Variants in PIR observed in about 807,000 individuals in gnomAD.
PIR encodes pirin.
A neutral mutation model predicts 24.2 loss-of-function variants in PIR; 22 were observed. That is an observed-to-expected ratio of 0.91 (90% CI 0.65 to 1.30). The LOEUF (loss-of-function observed/expected upper bound fraction) is 1.30. Among genes scored for constraint, PIR ranks in the 50% most tolerant of loss-of-function variants. The probability of loss-of-function intolerance (pLI) is 0.00; values close to 1 mark genes in which losing one functional copy is unlikely to be tolerated. For missense variants in PIR, 220 were observed against 220.3 expected, an observed-to-expected ratio of 1.00 and a Z score of 0.01; for synonymous variants, 80 against 79.6, an observed-to-expected ratio of 1.00 and a Z score of -0.03.
intron 2 of PIR, among the ~76,000 whole-genome samples, chrX:15,481,347 C>G (rs1002767163): frequency 2.7e-5 from 3 of 111,785 alleles, no homozygotes; most frequent in African/African-American, 9.7e-5. Context: ...TATTCTTGAC[C>G]ATGTTATTTT....
chrX:15,456,027 G>A lies in PIR; in HGVS notation c.301C>T (p.His101Tyr), dbSNP rs1467570812. ...TCCTCTGAGCAAGGCATCTCAGCGT[G>A]CAGAATGCCCCGGCCCGCAGTCATC... The part of the protein sequence containing the change: ...QWMTAGRGIL[H>Y]AEMPCSEEPA... The change falls in exon 5 of 10, where the codon CAC (histidine) becomes TAC (tyrosine). Residue 101 changes from histidine to tyrosine, a missense_variant. By Grantham distance (83) the His-to-Tyr change is moderately conservative. Coordinates refer to ENST00000380420, the MANE Select transcript of PIR (RefSeq NM_001018109.3). 1 of 1,210,919 alleles carries A rather than the reference G, an allele frequency of 8.3e-7. No homozygotes were observed. The highest frequency in any genetic ancestry group is 1.1e-6 in the Non-Finnish European group (1 of 894,858).
At chrX:15,487,336 G>GT (rs5901565) in intron 2 of PIR, among the ~76,000 whole-genome samples, 56 of 106,601 alleles carry the variant, frequency 5.3e-4, no homozygotes, top group African/African-American at 1.6e-3. Flanking sequence ...TGAGATTGTA[G>GT]TTTTTTTTTT....
intron 3 of PIR, 28 bp from the exon 4 acceptor site, chrX:15,459,768 A>T (rs771255593): frequency 3.5e-6 from 3 of 846,989 alleles, no homozygotes; most frequent in Non-Finnish European, 5.3e-6. Flanking sequence ...GAAAAAAAGT[A>T]GATCCTTTGC....
At chrX:15,465,019 T>A in intron 3 of PIR, among the ~76,000 whole-genome samples, 1 of 111,764 alleles carries the variant, frequency 8.9e-6, no homozygotes, top group Middle Eastern at 4.6e-3. Flanking sequence ...TAAGTGGACA[T>A]CAAGATTTTT....
At chrX:15,404,981 G>T (rs1226638775) in intron 7 of PIR, among the ~76,000 whole-genome samples, 2 of 110,950 alleles carry the variant, frequency 1.8e-5, no homozygotes, top group East Asian at 2.8e-4. Flanking sequence ...GGTCACGAGG[G>T]GGGACCAGGT....
At chrX:15,484,539 T>C (rs760289771) in intron 2 of PIR, among the ~76,000 whole-genome samples, 1 of 109,839 alleles carries the variant, frequency 9.1e-6, no homozygotes, top group East Asian at 2.9e-4. Flanking sequence ...AGTCTCAAAC[T>C]CCTGAGCTCA....
At chrX:15,466,194 A>C (rs1274884858) in intron 3 of PIR, among the ~76,000 whole-genome samples, 1 of 111,206 alleles carries the variant, frequency 9.0e-6, no homozygotes, top group Non-Finnish European at 1.9e-5. Flanking sequence ...TTATTTTACA[A>C]AAATGTTTTC....
At chrX:15,441,231 T>C (rs1925905338) in intron 5 of PIR, among the ~76,000 whole-genome samples, 1 of 112,063 alleles carries the variant, frequency 8.9e-6, no homozygotes, top group African/African-American at 3.2e-5. Context: ...AATGCAATTT[T>C]AATTCTAGTT....
At chrX:15,469,589 A>T (rs1028270498) in intron 3 of PIR, among the ~76,000 whole-genome samples, 2 of 112,061 alleles carry the variant, frequency 1.8e-5, no homozygotes, top group African/African-American at 6.5e-5. Flanking sequence ...TTCGTGGAGG[A>T]GGAATCCTCC....
intron 2 of PIR, among the ~76,000 whole-genome samples, chrX:15,483,068 T>C (rs1922593758): frequency 9.2e-6 from 1 of 109,042 alleles, no homozygotes; most frequent in Non-Finnish European, 1.9e-5. Context: ...TTACTAGAAA[T>C]TAAAGTATGA....
chrX:15,434,971 G>A (rs1433586347), intron 5 of PIR, among the ~76,000 whole-genome samples: 2 of 111,793 alleles, frequency 1.8e-5, no homozygotes, highest in Non-Finnish European at 3.8e-5. Flanking sequence ...AGCATTTGGG[G>A]AGGCTGAAGC....
chrX:15,443,609 T>A (rs780787664), intron 5 of PIR, among the ~76,000 whole-genome samples: 21 of 112,082 alleles, frequency 1.9e-4, no homozygotes, highest in African/African-American at 4.9e-4. Flanking sequence ...ATAGCTGCCA[T>A]AGATGGTGAT....
At chrX:15,436,737 A>G (rs1312180133) in intron 5 of PIR, among the ~76,000 whole-genome samples, 1 of 112,599 alleles carries the variant, frequency 8.9e-6, no homozygotes, top group Non-Finnish European at 1.9e-5. Flanking sequence ...TATTTTTAAG[A>G]GTTCTTGTAG....
chrX:15,474,103 T>C (rs1922075316), intron 3 of PIR, among the ~76,000 whole-genome samples: 1 of 112,062 alleles, frequency 8.9e-6, no homozygotes, highest in Non-Finnish European at 1.9e-5. Flanking sequence ...AAAAAAATGA[T>C]TAGCAGATCT....
chrX:15,392,118 C>T lies in PIR; in HGVS notation c.694-1867G>A, dbSNP rs1923979767. On this transcript the variant is annotated intron_variant, in intron 8 of 9. Transcript: ENST00000380420. The stretch of plus-strand genomic sequence containing the variant: ...TCTCTAAACAACAGCCCCAGCAGAG[C>T]CCAGCTCCCAGCCTGCCAGCCACAT... Among the ~76,000 whole-genome samples the T allele has an allele frequency of 4.5e-5, 5 of 111,403 alleles. 1 individual carries two copies. In the South Asian group the frequency reaches 1.9e-3, roughly 42 times the overall value.
Position 15,433,548 on chromosome X carries a change from GAGAA to G in PIR, c.481-7562_481-7559del, listed in dbSNP as rs1231018328. On this transcript the variant is annotated intron_variant, in intron 5 of 9. Coordinates refer to ENST00000380420, the MANE Select transcript of PIR (RefSeq NM_001018109.3). ...AGAAAGAAAGAAAGAAAGAAAGAGA[GAGAA>G]AGAAAGAAAGAGAGAGAAAGAAAGA... 1.7e-3 allele frequency among the ~76,000 whole-genome samples: 104 copies of G among 60,603 alleles called. 1 individual carries two copies. Among genetic ancestry groups the G allele is most frequent in the Admixed American group, 3.1e-3 (13 of 4,253 alleles). The allele number at this position is 60,603 out of a possible 115,157, so 52.6% of individuals were successfully genotyped here. A position where few individuals can be genotyped will look rare whatever the true frequency, so the allele number is the denominator to read the frequency against.
At chrX:15,491,412 T>C in intron 1 of PIR, 103 bp from the exon 2 acceptor site, 1 of 409,387 alleles carries the variant, frequency 2.4e-6, no homozygotes, top group Non-Finnish European at 4.2e-6. Flanking sequence ...TAGTAGCAGC[T>C]ACAATTTGTT....
intron 1 of PIR, among the ~76,000 whole-genome samples, chrX:15,492,111 G>T (rs1467374560): frequency 9.2e-6 from 1 of 109,204 alleles, no homozygotes; most frequent in African/African-American, 3.3e-5. Context: ...TGACAGATGG[G>T]GGCAGGTTTG....
intron 8 of PIR, among the ~76,000 whole-genome samples, chrX:15,390,876 G>C (rs1923937253): frequency 9.0e-6 from 1 of 111,398 alleles, no homozygotes; most frequent in Admixed American, 9.6e-5. Flanking sequence ...TATGGATACA[G>C]GGAAAAATAC....
Sources: allele counts gnomAD v4.1 joint callset (sites outside exome capture counted in the v4.1 genomes callset), GRCh38; gene constraint gnomAD v4.1.1; transcripts MANE v1.5; gene names NCBI Gene and HGNC (gene_info 2026-07-23, HGNC 2026-07-21).